FAM107A: variants seen among roughly 807,000 people sequenced by gnomAD.
FAM107A encodes the protein family with sequence similarity 107 member A.
In FAM107A, 19 loss-of-function variants were observed where a neutral mutation model predicts 13.7. That is an observed-to-expected ratio of 1.38 (90% confidence interval 0.97 to 2.03). FAM107A has a LOEUF of 2.03. Among genes scored for constraint, FAM107A ranks in the 30% most tolerant of loss-of-function variants. The probability of loss-of-function intolerance (pLI) is 0.00; values close to 1 mark genes in which losing one functional copy is unlikely to be tolerated. For missense variants in FAM107A, 203 were observed against 184.4 expected (o/e 1.10, Z -0.58); for synonymous variants, 82 against 74.5 (o/e 1.10, Z -0.52).
At chr3:58,606,004 A>T (rs6803969) in intron 1 of FAM107A, among the ~76,000 whole-genome samples, 65,309 of 151,898 alleles carry the variant, frequency 0.43, 15,022 homozygotes, top group East Asian at 0.62. Flanking sequence ...CTACATCCCA[A>T]CTCCACTGTA....
At chr3:58,568,084 G>A (rs149567720) in intron 2 of FAM107A, among the ~76,000 whole-genome samples, 2 of 151,886 alleles carry the variant, frequency 1.3e-5, no homozygotes, top group Non-Finnish European at 2.9e-5. Context: ...TTACAGGTGT[G>A]AGCCACCATG....
At chr3:58,576,140 A>T (rs554479995) in intron 1 of FAM107A, among the ~76,000 whole-genome samples, 11 of 152,352 alleles carry the variant, frequency 7.2e-5, no homozygotes, top group East Asian at 1.9e-4. Context: ...AGAACAGTGT[A>T]TCTCGGAGCC....
At position 58,619,984 on chromosome 3, in the gene FAM107A, T is replaced by TC. The variant is rs769556304; in HGVS notation, c.-70+7431_-70+7432insG. ...AACTGAGGGATTCAGTCTATGTCCCTTCCCCCCAGCCTGAAGTTCTGCATG... is the reference window on the plus strand; with the variant it reads ...AACTGAGGGATTCAGTCTATGTCCCTCTCCCCCCAGCCTGAAGTTCTGCATG... On this transcript the variant is annotated intron_variant, in intron 1 of 3. Transcript: ENST00000465970. 3.7e-3 allele frequency among the ~76,000 whole-genome samples: 566 copies of TC among 151,936 alleles called. 2 individuals carry two copies. In the Middle Eastern group the frequency reaches 0.068, roughly 18 times the overall value.
At chr3:58,589,205 C>A, upstream of FAM107A, 1 of 1,531,278 alleles carries the variant, frequency 6.5e-7, no homozygotes, top group Non-Finnish European at 8.8e-7. Flanking sequence ...GTCTGACTTA[C>A]CTGAGCCATT....
chr3:58,609,181 G>A (rs1277388151), intron 1 of FAM107A: 1 of 152,140 alleles, frequency 6.6e-6, no homozygotes, highest in African/African-American at 2.4e-5. Context: ...GCAGGTATAG[G>A]TCCATCCCAG....
upstream of FAM107A, chr3:58,589,120 A>T (rs1271840654): frequency 1.2e-6 from 1 of 850,510 alleles, no homozygotes; most frequent in East Asian, 2.7e-5. Context: ...GACTCAGGGA[A>T]ATTGTGGCCA....
intron 1 of FAM107A, among the ~76,000 whole-genome samples, chr3:58,614,899 G>A (rs776343429): frequency 6.6e-6 from 1 of 152,158 alleles, no homozygotes; most frequent in Non-Finnish European, 1.5e-5. Flanking sequence ...TCCGCCTCCC[G>A]GGTTCAAGTG....
At chr3:58,588,989 C>T (rs761559305), upstream of FAM107A, among the ~76,000 whole-genome samples, 4 of 152,102 alleles carry the variant, frequency 2.6e-5, no homozygotes, top group African/African-American at 4.8e-5. Flanking sequence ...TGAGGAAATA[C>T]GGCACAAGTG....
intron 1 of FAM107A, among the ~76,000 whole-genome samples, chr3:58,612,311 G>T (rs187854884): frequency 6.6e-6 from 1 of 152,168 alleles, no homozygotes; most frequent in Non-Finnish European, 1.5e-5. Context: ...TGGGTGCAGT[G>T]GCTCACACTT....
At chr3:58,578,998 C>T (rs148263364), upstream of FAM107A, among the ~76,000 whole-genome samples, 1 of 152,354 alleles carries the variant, frequency 6.6e-6, no homozygotes, top group East Asian at 1.9e-4. Flanking sequence ...GGTAATATCC[C>T]TGCTGTCAGG....
chr3:58,581,601 G>A (rs1023416613), upstream of FAM107A, among the ~76,000 whole-genome samples: 3 of 151,364 alleles, frequency 2.0e-5, no homozygotes, highest in Non-Finnish European at 4.4e-5. Flanking sequence ...ATTAAACCGT[G>A]CCCCCCGCCT....
chr3:58,620,539 C>T (rs1257092533), intron 1 of FAM107A, among the ~76,000 whole-genome samples: 8 of 152,380 alleles, frequency 5.3e-5, no homozygotes, highest in Admixed American at 4.6e-4. Flanking sequence ...TTCCTTCTCC[C>T]TCCTAAGCTG....
intron 1 of FAM107A, among the ~76,000 whole-genome samples, chr3:58,606,860 G>A (rs149447932): frequency 6.4e-4 from 97 of 152,246 alleles, no homozygotes; most frequent in African/African-American, 2.3e-3. Flanking sequence ...TCACACTCTT[G>A]TAGTTTAAGA....
intron 1 of FAM107A, among the ~76,000 whole-genome samples, chr3:58,586,569 G>A (rs1011666107): frequency 3.9e-5 from 6 of 152,096 alleles, no homozygotes; most frequent in African/African-American, 9.7e-5. Context: ...CGCACCTGTA[G>A]TCCCAGCTAC....
At chr3:58,567,071 A>G (rs574099628) in intron 3 of FAM107A, 137 bp downstream of exon 3, 3 of 1,096,538 alleles carry the variant, frequency 2.7e-6, no homozygotes, top group South Asian at 1.3e-5. Flanking sequence ...GGGAGGACTC[A>G]GGCCAGGAGT....
chr3:58,610,745 G>GTGAAGCAGTGGCTGGT (rs879606976), intron 1 of FAM107A, among the ~76,000 whole-genome samples: 6 of 152,222 alleles, frequency 3.9e-5, no homozygotes, highest in South Asian at 2.1e-4. Flanking sequence ...GAGTGGATGG[G>GTGAAGCAGTGGCTGGT]TGAAGCAGTG....
At chr3:58,600,691 A>T (rs1206430028) in intron 1 of FAM107A, among the ~76,000 whole-genome samples, 1 of 152,222 alleles carries the variant, frequency 6.6e-6, no homozygotes, top group Non-Finnish European at 1.5e-5. Context: ...GGCTAGTGCA[A>T]CTGAGGAGCT....
rs1422423946 is a variant in FAM107A, at chr3:58,617,126, C to G, written c.-70+10290G>C. On this transcript the variant is annotated intron_variant, in intron 1 of 3. Coordinates refer to the FAM107A transcript ENST00000465970. The surrounding 1 kb of genome is among the most constrained non-coding windows in gnomAD (Gnocchi z 4.5). ...TGGCCGCCCCAGGAAACTCCTGTGT[C>G]ACTTCACAGTGCCTGCTTGTGATGG... 6.6e-6 allele frequency among the ~76,000 whole-genome samples: 1 copy of G among 152,168 alleles called. No individual in the cohort carries two copies. Among genetic ancestry groups the G allele is most frequent in the Non-Finnish European group, 1.5e-5 (1 of 68,034 alleles).
At position 58,568,209 on chromosome 3, in the gene FAM107A, C is replaced by T. The variant is rs561743681; in HGVS notation, c.171-845G>A. Among the ~76,000 whole-genome samples the T allele has an allele frequency of 2.1e-3, 314 of 152,128 alleles. 2 individuals carry two copies. The highest frequency in any genetic ancestry group is 0.012 in the South Asian group (60 of 4,808). The stretch of plus-strand genomic sequence containing the variant: ...CAGCACTTTGGGAGGCCGAGGAGGG[C>T]GGATCACGAGGTCAGGAGACCGAGA... On this transcript the variant is annotated intron_variant, in intron 2 of 3. Transcript: ENST00000360997.
Sources: allele counts gnomAD v4.1 joint callset (sites outside exome capture counted in the v4.1 genomes callset), GRCh38; gene constraint gnomAD v4.1.1; non-coding constraint Gnocchi (gnomAD v3.1); transcripts MANE v1.5; gene names NCBI Gene and HGNC (gene_info 2026-07-23, HGNC 2026-07-21).